Variants in MAN2A1 observed in about 807,000 individuals in gnomAD.
The protein encoded by MAN2A1 is mannosidase alpha class 2A member 1, also known as alpha-mannosidase 2.
Under a neutral mutation model 142.6 loss-of-function variants are expected in MAN2A1, and 76 were observed. The ratio of observed to expected loss-of-function variants is 0.53; its 90% confidence interval spans 0.44 to 0.65. MAN2A1 has a LOEUF of 0.65. Ranked by LOEUF, MAN2A1 falls within the 30% of genes least tolerant of loss-of-function variation. The pLI is 0.00. For synonymous variants in MAN2A1, 559 were observed against 473.2 expected, an observed-to-expected ratio of 1.18 and a Z score of -2.35; for missense variants, 1,311 against 1,365.1, an observed-to-expected ratio of 0.96 and a Z score of 0.62.
At chr5:109,695,148 T>C (rs1320102197) in intron 1 of MAN2A1, among the ~76,000 whole-genome samples, 4 of 152,238 alleles carry the variant, frequency 2.6e-5, no homozygotes, top group Non-Finnish European at 5.9e-5. Context: ...CCCAAACTTA[T>C]TTCCTGTAAA....
chr5:109,864,904 A>G (rs1190389293), intron 20 of MAN2A1, 132 bp from the exon 21 acceptor site: 1 of 670,856 alleles, frequency 1.5e-6, no homozygotes, highest in Non-Finnish European at 2.7e-6. Context: ...ACCTGAGGAG[A>G]AATGAATTTG....
At chr5:109,785,074 A>G (rs1229825077) in intron 10 of MAN2A1, 148 bp downstream of exon 10, 15 of 541,932 alleles carry the variant, frequency 2.8e-5, no homozygotes, top group Non-Finnish European at 4.4e-5. Context: ...AACAGCACTG[A>G]TATTCAAATA....
intron 5 of MAN2A1, among the ~76,000 whole-genome samples, chr5:109,767,239 A>G (rs1165435130): frequency 6.6e-6 from 1 of 152,162 alleles, no homozygotes; most frequent in African/African-American, 2.4e-5. Flanking sequence ...ACCTCTAGTT[A>G]ATGGCAGTGG....
At chr5:109,716,337 G>T in intron 3 of MAN2A1, 73 bp downstream of exon 3, 4 of 1,244,100 alleles carry the variant, frequency 3.2e-6, no homozygotes, top group South Asian at 1.6e-5. Flanking sequence ...ATGAGAATCT[G>T]GTAGAGGCCA....
intron 1 of MAN2A1, among the ~76,000 whole-genome samples, chr5:109,700,871 A>G (rs1019923262): frequency 6.6e-6 from 1 of 152,248 alleles, no homozygotes; most frequent in Non-Finnish European, 1.5e-5. Context: ...TTACTGGGTT[A>G]GGTAATATGG....
chr5:109,723,597 C>A (rs990445483), intron 3 of MAN2A1, among the ~76,000 whole-genome samples: 3 of 152,184 alleles, frequency 2.0e-5, no homozygotes, highest in African/African-American at 7.2e-5. Context: ...AGTCTTCACA[C>A]TCTTAGTACA....
At chr5:109,700,823 C>A (rs1397237392) in intron 1 of MAN2A1, among the ~76,000 whole-genome samples, 1 of 152,182 alleles carries the variant, frequency 6.6e-6, no homozygotes, top group Non-Finnish European at 1.5e-5. Flanking sequence ...ACTGGCCTTC[C>A]ACTGTACTAT....
At chr5:109,797,887 C>CAT (rs911648050) in intron 12 of MAN2A1, among the ~76,000 whole-genome samples, 25 of 152,092 alleles carry the variant, frequency 1.6e-4, no homozygotes, top group African/African-American at 6.0e-4. Flanking sequence ...ATTTTATACT[C>CAT]AAAGTTATCT....
intron 9 of MAN2A1, among the ~76,000 whole-genome samples, chr5:109,784,179 G>A (rs1561510296): frequency 6.6e-6 from 1 of 152,086 alleles, no homozygotes; most frequent in Non-Finnish European, 1.5e-5. Context: ...AGTTTGTATT[G>A]TTAAATTCTC....
rs1354010950 is a variant in MAN2A1 at position 109,842,559 on chromosome 5, A to G, written c.2700+98A>G. 7 of 783,272 alleles carry G rather than the reference A, an allele frequency of 8.9e-6. No individual in the cohort carries two copies. The Middle Eastern group carries it at 1.7e-3, about 190-fold the overall frequency. 48.5% of individuals were successfully genotyped at this position (783,272 alleles called of 1,614,324 possible). A position where few individuals can be genotyped will look rare whatever the true frequency, so the allele number is the denominator to read the frequency against. On this transcript the variant is annotated intron_variant, in intron 17 of 21. Coordinates refer to ENST00000261483, the MANE Select transcript of MAN2A1 (RefSeq NM_002372.4). The stretch of plus-strand genomic sequence containing the variant: ...TTAATTTTGGATCCTTTGAAAAAGT[A>G]TACTTAAAGTTGCAAATTATATCTA...
At chr5:109,755,514 G>T (rs940581600) in intron 5 of MAN2A1, 58 bp downstream of exon 5, 7 of 1,363,198 alleles carry the variant, frequency 5.1e-6, no homozygotes, top group Non-Finnish European at 7.2e-6. Context: ...TTCGGGATGT[G>T]AAGTGAGGCT....
chr5:109,703,494 T>G (rs756313295), intron 1 of MAN2A1, among the ~76,000 whole-genome samples: 6 of 152,194 alleles, frequency 3.9e-5, no homozygotes, highest in Non-Finnish European at 5.9e-5. Flanking sequence ...CACATGAACC[T>G]TCATGCAAGT....
intron 20 of MAN2A1, among the ~76,000 whole-genome samples, chr5:109,861,460 C>T (rs1755757921): frequency 6.6e-6 from 1 of 152,098 alleles, no homozygotes; most frequent in South Asian, 2.1e-4. Context: ...GCTACAATTA[C>T]TTTTGCACCA....
intron 4 of MAN2A1, among the ~76,000 whole-genome samples, chr5:109,751,012 A>G (rs1752529538): frequency 6.6e-6 from 1 of 152,054 alleles, no homozygotes; most frequent in South Asian, 2.1e-4. Context: ...GTTTTGAAAC[A>G]TACAGTACAT....
chr5:109,839,647 C>CT (rs1217076463), intron 16 of MAN2A1, among the ~76,000 whole-genome samples: 3,746 of 131,094 alleles, frequency 0.029, 85 homozygotes, highest in African/African-American at 0.059. Context: ...CCCTGTCTCT[C>CT]TCTTTTTTTT....
intron 5 of MAN2A1, among the ~76,000 whole-genome samples, chr5:109,766,693 GA>G (rs200754498): frequency 0.014 from 2,121 of 151,538 alleles, 55 homozygotes; most frequent in African/African-American, 0.047. Flanking sequence ...GTGTTTGAAT[GA>G]AAAAAAATAC....
chr5:109,778,379 T>C (rs1207010237), intron 8 of MAN2A1, among the ~76,000 whole-genome samples: 1 of 152,076 alleles, frequency 6.6e-6, no homozygotes, highest in East Asian at 1.9e-4. Context: ...CCATGTACAA[T>C]GGCTGTGTCC....
At chr5:109,754,737 C>T (rs188278405) in intron 4 of MAN2A1, among the ~76,000 whole-genome samples, 47 of 152,356 alleles carry the variant, frequency 3.1e-4, no homozygotes, top group Admixed American at 7.2e-4. Flanking sequence ...CGTGGTGGCT[C>T]ACGCCTGTAA....
intron 21 of MAN2A1, 142 bp downstream of exon 21, chr5:109,865,288 C>T (rs1755851521): frequency 4.7e-6 from 3 of 642,062 alleles, no homozygotes; most frequent in Admixed American, 2.9e-5. Flanking sequence ...TGAATCTCCC[C>T]ATCTGAAAAA....
Sources: allele counts gnomAD v4.1 joint callset (sites outside exome capture counted in the v4.1 genomes callset), GRCh38; gene constraint gnomAD v4.1.1; transcripts MANE v1.5; gene names NCBI Gene and HGNC (gene_info 2026-07-23, HGNC 2026-07-21).